NKAIN2: variants seen among roughly 807,000 people sequenced by gnomAD.
NKAIN2 encodes the protein sodium/potassium-transporting ATPase subunit beta-1-interacting protein 2.
In NKAIN2, 14 loss-of-function variants were observed where a neutral mutation model predicts 32.6. That is an observed-to-expected ratio of 0.43 (90% CI 0.28 to 0.67). The LOEUF (loss-of-function observed/expected upper bound fraction) is 0.67, where lower values mean the gene tolerates loss of function less well. Among genes scored for constraint, NKAIN2 ranks in the 30% least tolerant of loss-of-function variants. The probability of loss-of-function intolerance (pLI) is 0.17; values close to 1 mark genes in which losing one functional copy is unlikely to be tolerated. For missense variants in NKAIN2, 198 were observed against 258.3 expected, an observed-to-expected ratio of 0.77 and a Z score of 1.60; for synonymous variants, 80 against 87.2, an observed-to-expected ratio of 0.92 and a Z score of 0.46.
chr6:124,103,690 G>T (rs1784990167), intron 1 of NKAIN2, among the ~76,000 whole-genome samples: 1 of 152,066 alleles, frequency 6.6e-6, no homozygotes, highest in African/African-American at 2.4e-5. Flanking sequence ...GCATTAAAAG[G>T]TTTTTTTGTA....
intron 1 of NKAIN2, among the ~76,000 whole-genome samples, chr6:124,134,369 T>G (rs1001760128): frequency 2.0e-5 from 3 of 152,070 alleles, no homozygotes; most frequent in African/African-American, 7.2e-5. Context: ...TTTGGGATTA[T>G]GTTAAATGGC....
intron 1 of NKAIN2, among the ~76,000 whole-genome samples, chr6:124,183,614 A>T (rs1789562365): frequency 6.6e-6 from 1 of 151,972 alleles, no homozygotes; most frequent in African/African-American, 2.4e-5. Context: ...AGAAAAAAAC[A>T]CTCTTTTTTC....
chr6:124,787,840 T>C (rs1177332260), intron 4 of NKAIN2, among the ~76,000 whole-genome samples: 1 of 152,024 alleles, frequency 6.6e-6, no homozygotes, highest in Non-Finnish European at 1.5e-5. Flanking sequence ...TAGTATGAAG[T>C]CCCCAAACTC....
intron 1 of NKAIN2, among the ~76,000 whole-genome samples, chr6:123,926,851 C>A (rs1361375485): frequency 6.6e-6 from 1 of 152,084 alleles, no homozygotes; most frequent in East Asian, 1.9e-4. Flanking sequence ...ATAACCTGAC[C>A]CAAATTAATT....
intron 1 of NKAIN2, among the ~76,000 whole-genome samples, chr6:124,204,601 A>G (rs1197189418): frequency 6.6e-6 from 1 of 151,832 alleles, no homozygotes; most frequent in Non-Finnish European, 1.5e-5. Flanking sequence ...TGACAACTAT[A>G]CCAATAATAG....
intron 1 of NKAIN2, among the ~76,000 whole-genome samples, chr6:123,910,954 C>T (rs1016302799): frequency 3.3e-5 from 5 of 152,024 alleles, no homozygotes; most frequent in Non-Finnish European, 7.4e-5. Context: ...TTTCTCTTAG[C>T]CAAAGGGTAG....
intron 1 of NKAIN2, among the ~76,000 whole-genome samples, chr6:124,197,635 T>A (rs1790378472): frequency 6.6e-6 from 1 of 152,094 alleles, no homozygotes; most frequent in South Asian, 2.1e-4. Flanking sequence ...TTCACCCTTT[T>A]ACATGAACTA....
At chr6:124,189,629 C>A (rs556383195) in intron 1 of NKAIN2, among the ~76,000 whole-genome samples, 1 of 151,938 alleles carries the variant, frequency 6.6e-6, no homozygotes, top group Non-Finnish European at 1.5e-5. Context: ...TGAAGTGAGC[C>A]GAGATTGTGC....
At chr6:123,994,091 G>A (rs1003615662) in intron 1 of NKAIN2, among the ~76,000 whole-genome samples, 5 of 151,994 alleles carry the variant, frequency 3.3e-5, no homozygotes, top group East Asian at 1.9e-4. Context: ...ACTGAGAGTA[G>A]AATACTCTTG....
intron 1 of NKAIN2, among the ~76,000 whole-genome samples, chr6:124,137,632 CCAAAACAGCA>C (rs1344003194): frequency 1.3e-5 from 2 of 151,968 alleles, no homozygotes; most frequent in African/African-American, 4.8e-5. Context: ...ACTATAGCTA[CCAAAACAGCA>C]TGTTACCAAT....
chr6:123,825,158 C>T (rs56139909), intron 1 of NKAIN2, among the ~76,000 whole-genome samples: 28 of 152,088 alleles, frequency 1.8e-4, no homozygotes, highest in Non-Finnish European at 3.7e-4. Flanking sequence ...GACACTAATC[C>T]CATTCATGAG....
intron 5 of NKAIN2, among the ~76,000 whole-genome samples, chr6:124,805,465 G>T (rs990267444): frequency 6.6e-6 from 1 of 152,036 alleles, no homozygotes; most frequent in African/African-American, 2.4e-5. Flanking sequence ...CAAACAGAAA[G>T]GACATCCACA....
intron 4 of NKAIN2, among the ~76,000 whole-genome samples, chr6:124,770,263 T>C (rs577995888): frequency 1.4e-4 from 21 of 152,354 alleles, no homozygotes; most frequent in African/African-American, 4.8e-4. Flanking sequence ...TCCAGCCCTT[T>C]TCCTACTGGA....
intron 3 of NKAIN2, among the ~76,000 whole-genome samples, chr6:124,430,564 G>A (rs1008356868): frequency 6.6e-6 from 1 of 151,914 alleles, no homozygotes; most frequent in Non-Finnish European, 1.5e-5. Flanking sequence ...AAACAATCCA[G>A]TATCTCCTTC....
intron 3 of NKAIN2, among the ~76,000 whole-genome samples, chr6:124,400,867 A>G (rs777404720): frequency 6.6e-6 from 1 of 152,172 alleles, no homozygotes; most frequent in Non-Finnish European, 1.5e-5. Flanking sequence ...CCTGATTTTT[A>G]TGGTCACACC....
chr6:124,585,231 C>G (rs919311103), intron 3 of NKAIN2, among the ~76,000 whole-genome samples: 3 of 152,126 alleles, frequency 2.0e-5, no homozygotes, highest in African/African-American at 7.2e-5. Context: ...CACATGTTGT[C>G]ACTTATTTGC....
intron 1 of NKAIN2, among the ~76,000 whole-genome samples, chr6:124,150,518 A>G (rs1213169942): frequency 6.6e-6 from 1 of 152,180 alleles, no homozygotes; most frequent in African/African-American, 2.4e-5. Flanking sequence ...CATCCTATTC[A>G]TTAATCTGTC....
intron 3 of NKAIN2, among the ~76,000 whole-genome samples, chr6:124,494,979 G>A (rs1207889099): frequency 6.6e-6 from 1 of 152,004 alleles, no homozygotes; most frequent in East Asian, 1.9e-4. Flanking sequence ...CTCTATAATT[G>A]CAATAGAATT....
At chr6:124,006,969 C>G (rs1343842945) in intron 1 of NKAIN2, among the ~76,000 whole-genome samples, 1 of 152,138 alleles carries the variant, frequency 6.6e-6, no homozygotes, top group Non-Finnish European at 1.5e-5. Context: ...TCATACATTA[C>G]TTAAGGACAG....
Sources: allele counts gnomAD v4.1 joint callset (sites outside exome capture counted in the v4.1 genomes callset), GRCh38; gene constraint gnomAD v4.1.1; transcripts MANE v1.5; gene names NCBI Gene and HGNC (gene_info 2026-07-23, HGNC 2026-07-21).